TINCR: variants seen among roughly 807,000 people sequenced by gnomAD.
TINCR encodes the protein TINCR-encoded ubiquitin-like protein.
At position 5,565,063 on chromosome 19, in the gene TINCR, C is replaced by T. The variant is rs1451027772; in HGVS notation, c.261-2114G>A. 6.6e-6 allele frequency among the ~76,000 whole-genome samples: 1 copy of T among 152,166 alleles called. No homozygotes were observed. The highest frequency in any genetic ancestry group is 1.5e-5 in the Non-Finnish European group (1 of 68,022). The stretch of plus-strand genomic sequence containing the variant: ...TGCCCACAGCCCTCTATGGCTCCCA[C>T]CTCCCTCGGAGTCAAGGCCCAAGTC... On this transcript the variant is annotated intron_variant, in intron 1 of 1. Coordinates refer to ENST00000646160, the Ensembl canonical transcript of TINCR. This position sits in a 1 kb window ranked among gnomAD's most constrained non-coding sequence, Gnocchi z 4.0.
At position 5,563,032 on chromosome 19, in the gene TINCR, G is replaced by A. The variant is rs963947088; in HGVS notation, c.261-83C>T. On this transcript the variant is annotated intron_variant, in intron 1 of 1. Coordinates refer to ENST00000646160, the Ensembl canonical transcript of TINCR. This position sits in a 1 kb window ranked among gnomAD's most constrained non-coding sequence, Gnocchi z 4.7. ...GGGACCTGAGGGAACAGCATTCCAGGCTGAAGGAACAGCCTGTCCAGAGGC... is the reference window on the plus strand; with the variant it reads ...GGGACCTGAGGGAACAGCATTCCAGACTGAAGGAACAGCCTGTCCAGAGGC... 11 of 152,202 alleles carry A rather than the reference G, an allele frequency of 7.2e-5. No individual in the cohort carries two copies. The highest frequency in any genetic ancestry group is 2.4e-4 in the African/African-American group (10 of 41,340). The allele number at this position is 152,202 out of a possible 1,614,324, so 9.4% of individuals were successfully genotyped here.
chr19:5,558,500 G>A (rs1003942028), downstream of TINCR: 1 of 152,304 alleles, frequency 6.6e-6, no homozygotes, highest in African/African-American at 2.4e-5. Context: ...CCAAACTCAG[G>A]GATACATGGA....
At chr19:5,561,662 C>G (rs1289350871), downstream of TINCR, 1 of 152,124 alleles carries the variant, frequency 6.6e-6, no homozygotes, top group Non-Finnish European at 1.5e-5. Context: ...AGTGCAATGG[C>G]GTGATTTCGG....
In TINCR at chr19:5,563,223, C is replaced by T. The variant is rs368002932; in HGVS notation, c.261-274G>A. Among the ~76,000 whole-genome samples the T allele has an allele frequency of 1.7e-4, 26 of 152,024 alleles. No homozygotes were observed. Among genetic ancestry groups the T allele is most frequent in the African/African-American group, 6.0e-4 (25 of 41,500 alleles). On this transcript the variant is annotated intron_variant, in intron 1 of 1. Transcript: ENST00000646160. The surrounding 1 kb of genome is among the most constrained non-coding windows in gnomAD (Gnocchi z 4.7). ...GGAGGTGGGAGCCATGGAGGGCTGC[C>T]GGCAGAGGAGGGACACGCCCCGACT...
chr19:5,560,697 G>C (rs929110198), downstream of TINCR: 1 of 152,316 alleles, frequency 6.6e-6, no homozygotes, highest in African/African-American at 2.4e-5. The surrounding 1 kb of genome is among the most constrained non-coding windows in gnomAD (Gnocchi z 4.5). Context: ...TATGCAAGAC[G>C]AGGCATCCGG....
At chr19:5,564,472 A>C (rs2052117693) in intron 1 of TINCR, among the ~76,000 whole-genome samples, 1 of 151,868 alleles carries the variant, frequency 6.6e-6, no homozygotes, top group Non-Finnish European at 1.5e-5. Flanking sequence ...CTGTTGGGGA[A>C]GACAAAGCTG....
At position 5,562,706 on chromosome 19, in the gene TINCR, T is replaced by TA. The variant is rs2052107764; in HGVS notation, c.*140dup. On this transcript the variant is annotated 3_prime_UTR_variant, in exon 2 of 2. Transcript: ENST00000646160. This position sits in a 1 kb window ranked among gnomAD's most constrained non-coding sequence, Gnocchi z 4.4. ...TCACCCTGTCACCCAGACTAGAGTG[T>TA]AATGGCACGATCTCAGCTCACTGCA... 6.6e-6 allele frequency: 1 copy of TA among 152,220 alleles called. No individual in the cohort carries two copies. The highest frequency in any genetic ancestry group is 1.5e-5 in the Non-Finnish European group (1 of 68,048). 9.4% of individuals were successfully genotyped at this position (152,220 alleles called of 1,614,324 possible). A position where few individuals can be genotyped will look rare whatever the true frequency, so the allele number is the denominator to read the frequency against.
In TINCR at chr19:5,564,217, G is replaced by A. The variant is rs369911004; in HGVS notation, c.261-1268C>T. On this transcript the variant is annotated intron_variant, in intron 1 of 1. Coordinates refer to ENST00000646160, the Ensembl canonical transcript of TINCR. Reference sequence around the variant, plus strand: ...GGCAGGTTTGTCCCGAGCAGCCCACGCAGCTTCTCTCTCCCTAGGGTACCG... The same window carrying A: ...GGCAGGTTTGTCCCGAGCAGCCCACACAGCTTCTCTCTCCCTAGGGTACCG... 3.7e-3 allele frequency among the ~76,000 whole-genome samples: 559 copies of A among 152,288 alleles called. 6 individuals carry two copies. Among genetic ancestry groups the A allele is most frequent in the African/African-American group, 0.012 (518 of 41,548 alleles).
chr19:5,560,927 T>G (rs564410439), downstream of TINCR: 1 of 154,032 alleles, frequency 6.5e-6, no homozygotes, highest in East Asian at 1.9e-4. The surrounding 1 kb of genome is among the most constrained non-coding windows in gnomAD (Gnocchi z 4.5). Flanking sequence ...GAAGGCTAGG[T>G]GCTCTCTGGC....
Position 5,563,859 on chromosome 19 carries a change from G to C in TINCR, c.261-910C>G, listed in dbSNP as rs1012205266. 3.9e-5 allele frequency among the ~76,000 whole-genome samples: 6 copies of C among 152,186 alleles called. No individual in the cohort carries two copies. Among genetic ancestry groups the C allele is most frequent in the Non-Finnish European group, 7.3e-5 (5 of 68,032 alleles). Reference sequence around the variant, plus strand: ...GAACCCGGGAGGCAGAGGTTGCAGTGAGCCGAGATTGCGCCACTGCACTCC... The same window carrying C: ...GAACCCGGGAGGCAGAGGTTGCAGTCAGCCGAGATTGCGCCACTGCACTCC... On this transcript the variant is annotated intron_variant, in intron 1 of 1. Coordinates refer to ENST00000646160, the Ensembl canonical transcript of TINCR. This position sits in a 1 kb window ranked among gnomAD's most constrained non-coding sequence, Gnocchi z 4.7.
intron 1 of TINCR, among the ~76,000 whole-genome samples, chr19:5,567,388 CGA>C (rs1454451908): frequency 1.3e-5 from 2 of 151,818 alleles, no homozygotes; most frequent in East Asian, 1.9e-4. Flanking sequence ...GAGACAGAGA[CGA>C]GAGAGTGACA....
rs1343858842 is a variant in TINCR, at chr19:5,562,924, T to C, written c.286A>G (p.Ile96Val). Reference sequence around the variant, plus strand: ...GCCTCAGCCTCCCAAAGTGCTGGGATTGCGGGTGTGAGCCGCTGCGCCTCG... The same window carrying C: ...GCCTCAGCCTCCCAAAGTGCTGGGACTGCGGGTGTGAGCCGCTGCGCCTCG... The change falls in exon 2 of 2, where the codon ATC becomes GTC. Residue 96 changes from isoleucine to valine, a missense_variant. Physicochemically the swap from Ile to Val is conservative, Grantham distance 29 (BLOSUM62 3). Coordinates refer to ENST00000646160, the Ensembl canonical transcript of TINCR. This position sits in a 1 kb window ranked among gnomAD's most constrained non-coding sequence, Gnocchi z 4.4. 6.6e-6 allele frequency: 1 copy of C among 152,438 alleles called. No individual in the cohort carries two copies. Among genetic ancestry groups the C allele is most frequent in the Non-Finnish European group, 1.5e-5 (1 of 68,246 alleles). The allele number at this position is 152,438 out of a possible 1,614,324, so 9.4% of individuals were successfully genotyped here. A position where few individuals can be genotyped will look rare whatever the true frequency, so the allele number is the denominator to read the frequency against.
chr19:5,567,617 TC>T, intron 1 of TINCR, 47 bp downstream of exon 1: 3 of 360,318 alleles, frequency 8.3e-6, no homozygotes, highest in Non-Finnish European at 9.9e-6. Context: ...TCTCCAGGGG[TC>T]CCCGGCCGCC....
At chr19:5,560,946 A>C (rs941494008), downstream of TINCR, 1 of 153,984 alleles carries the variant, frequency 6.5e-6, no homozygotes, top group Non-Finnish European at 1.5e-5. The surrounding 1 kb of genome is among the most constrained non-coding windows in gnomAD (Gnocchi z 4.5). Context: ...GCTGGGAAGG[A>C]GGGAATCTGA....
Position 5,567,893 on chromosome 19 carries a change from C to T in TINCR, c.32G>A (p.Trp11Ter). The change falls in exon 1 of 2, where the codon TGG becomes TAG. Residue 11 changes from tryptophan (W) to a stop codon, truncating the protein, a stop_gained. Transcript: ENST00000646160. LOFTEE classifies it high-confidence loss of function. Reference sequence around the variant, plus strand: ...GTGCACCTTGATGTGGTAGCGCTTCCAGCGCGACAGCCCCCGCCGCAGCCC... The same window carrying T: ...GTGCACCTTGATGTGGTAGCGCTTCTAGCGCGACAGCCCCCGCCGCAGCCC... 1 of 389,038 alleles carries T rather than the reference C, an allele frequency of 2.6e-6. No homozygotes were observed. Among genetic ancestry groups the T allele is most frequent in the Non-Finnish European group, 4.5e-6 (1 of 219,908 alleles). 24.1% of individuals were successfully genotyped at this position (389,038 alleles called of 1,614,324 possible).
rs2052108348 is a variant in TINCR at position 5,562,814 on chromosome 19, G to C, written c.*33C>G. On this transcript the variant is annotated 3_prime_UTR_variant, in exon 2 of 2. Coordinates refer to ENST00000646160, the Ensembl canonical transcript of TINCR. This position sits in a 1 kb window ranked among gnomAD's most constrained non-coding sequence, Gnocchi z 4.4. ...TTACAGGCATGCGCCATCATGCCCG[G>C]CTAATTTTTGTAGTTTTAGTAGAGA... The C allele has an allele frequency of 1.3e-5, 2 of 152,212 alleles. No individual in the cohort carries two copies. 9.4% of individuals were successfully genotyped at this position (152,212 alleles called of 1,614,324 possible). A position where few individuals can be genotyped will look rare whatever the true frequency, so the allele number is the denominator to read the frequency against.
downstream of TINCR, chr19:5,558,540 G>A (rs1426576959): frequency 6.6e-6 from 1 of 152,302 alleles, no homozygotes; most frequent in Non-Finnish European, 1.5e-5. Context: ...CAGACTGGGG[G>A]AGCAGGAAGA....
At chr19:5,567,854 G>C (rs1599205088) in exon 1 of TINCR, 1 of 393,416 alleles carries the variant, frequency 2.5e-6, no homozygotes, top group Non-Finnish European at 4.5e-6. Context: ...TAGCAGCAGC[G>C]CCTCGTCCGC....
chr19:5,558,710 CACG>C (rs1283035146), downstream of TINCR: 31 of 152,316 alleles, frequency 2.0e-4, no homozygotes, highest in African/African-American at 7.5e-4. Flanking sequence ...CTCTTTGTGT[CACG>C]AGGACCATGC....
Sources: gnomAD v4.1 joint callset for allele counts (sites outside exome capture counted in the v4.1 genomes callset) on GRCh38, gnomAD v4.1.1 for gene constraint, Gnocchi (gnomAD v3.1) non-coding constraint, MANE v1.5 for transcripts, NCBI Gene and HGNC (gene_info 2026-07-23, HGNC 2026-07-21) for gene names.